Variants in PCDHGA5 observed in about 807,000 individuals in gnomAD.
PCDHGA5 encodes protocadherin gamma subfamily A, 5.
A neutral mutation model predicts 56.7 loss-of-function variants in PCDHGA5; 36 were observed. That is an observed-to-expected ratio of 0.64 (90% CI 0.49 to 0.84). The LOEUF is 0.84. Among genes scored for constraint, PCDHGA5 ranks in the 40% least tolerant of loss-of-function variants. The pLI is 0.00. For missense variants in PCDHGA5, 1,305 were observed against 1,201.5 expected, an observed-to-expected ratio of 1.09 and a Z score of -1.27; for synonymous variants, 563 against 520.2, an observed-to-expected ratio of 1.08 and a Z score of -1.12.
At chr5:141,371,063 C>T (rs774821524) in intron 1 of PCDHGA5, 2 of 1,613,962 alleles carry the variant, frequency 1.2e-6, no homozygotes, top group South Asian at 2.2e-5. Context: ...CCTCCAGAAG[C>T]TGTACCACCC....
chr5:141,444,152 ATTTTTTTTTTTTTTTTTTTTTTTTT>A (rs747671382), intron 1 of PCDHGA5, among the ~76,000 whole-genome samples: 1 of 33,882 alleles, frequency 3.0e-5, no homozygotes, highest in Non-Finnish European at 5.2e-5. Context: ...TGTGTACTGG[ATTTTTTTTTTTTTTTTTTTTTTTTT>A]TTTTTTTTTT....
chr5:141,371,704 C>A, intron 1 of PCDHGA5: 1 of 1,614,030 alleles, frequency 6.2e-7, no homozygotes, highest in Non-Finnish European at 8.5e-7. Context: ...TCCAGCAAGA[C>A]CATCACTCTG....
At chr5:141,373,571 C>T (rs1157896176) in intron 1 of PCDHGA5, among the ~76,000 whole-genome samples, 1 of 152,096 alleles carries the variant, frequency 6.6e-6, no homozygotes, top group Non-Finnish European at 1.5e-5. Context: ...ATGGGACTAG[C>T]ATAAATGGTG....
intron 1 of PCDHGA5, among the ~76,000 whole-genome samples, chr5:141,474,130 C>G (rs28684928): frequency 6.6e-6 from 1 of 152,160 alleles, no homozygotes; most frequent in Non-Finnish European, 1.5e-5. Context: ...TCTCAGAAAA[C>G]TACAGGCCTT....
chr5:141,375,920 G>A, intron 1 of PCDHGA5: 1 of 1,613,748 alleles, frequency 6.2e-7, no homozygotes, highest in Admixed American at 1.7e-5. Flanking sequence ...CAAGGCCAGC[G>A]AGCCAGGACT....
Position 141,477,100 on chromosome 5 carries a change from C to T in PCDHGA5, c.2422-17707C>T, listed in dbSNP as rs970613825. Reference sequence around the variant, plus strand: ...TTTACATCCAGGCCAAAGACAAGGGCGCCAATCCCGAAGGAGCACATTGCA... The same window carrying T: ...TTTACATCCAGGCCAAAGACAAGGGTGCCAATCCCGAAGGAGCACATTGCA... On this transcript the variant is annotated intron_variant, in intron 1 of 3. Transcript: ENST00000518069. The surrounding 1 kb of genome is among the most constrained non-coding windows in gnomAD (Gnocchi z 4.9). 1 of 1,614,098 alleles carries T rather than the reference C, an allele frequency of 6.2e-7. No homozygotes were observed. Among genetic ancestry groups the T allele is most frequent in the African/African-American group, 1.3e-5 (1 of 74,932 alleles).
intron 1 of PCDHGA5, chr5:141,370,476 G>A: frequency 6.2e-7 from 1 of 1,613,686 alleles, no homozygotes; most frequent in Non-Finnish European, 8.5e-7. Flanking sequence ...GTTAGACCAG[G>A]CTCTCTCCGA....
chr5:141,427,671 A>T (rs1441504057), intron 1 of PCDHGA5: 1 of 798,486 alleles, frequency 1.3e-6, no homozygotes, highest in East Asian at 2.6e-5. Flanking sequence ...GGCCGAAAAC[A>T]ACCTTCCCGG....
chr5:141,472,980 C>CAAAAAAAAA (rs60579131), intron 1 of PCDHGA5, among the ~76,000 whole-genome samples: 30 of 86,054 alleles, frequency 3.5e-4, no homozygotes, highest in African/African-American at 5.0e-4. Context: ...GAGTGAAACT[C>CAAAAAAAAA]AAAAAAAAAA....
In PCDHGA5 at chr5:141,366,614, G is replaced by A; in HGVS notation, c.2284G>A (p.Asp762Asn). 6.2e-6 allele frequency: 10 copies of A among 1,614,248 alleles called. No individual in the cohort carries two copies. Among genetic ancestry groups the A allele is most frequent in the Non-Finnish European group, 7.6e-6 (9 of 1,180,054 alleles). ...TYSHEVSLTA[D>N]SRKSHLIFPQ... ...TTCCCACGAGGTCTCCCTCACCGCG[G>A]ACTCGAGGAAGAGTCACCTGATCTT... is the stretch of plus-strand genomic sequence containing the variant. The change falls in exon 1 of 4, where the codon GAC (aspartate) becomes AAC (asparagine). Residue 762 changes from aspartate (D) to asparagine (N), a missense_variant. Asp to Asn is a conservative substitution (Grantham distance 23). Coordinates refer to ENST00000518069, the MANE Select transcript of PCDHGA5 (RefSeq NM_018918.3).
In PCDHGA5 at chr5:141,404,595, T is replaced by C. The variant is rs1035989165; in HGVS notation, c.2421+37844T>C. On this transcript the variant is annotated intron_variant, in intron 1 of 3. Transcript: ENST00000518069. ...CCACCACTTAGCAGCAATGTGTCAT[T>C]GAGACTGTTTGTTTTGGACCAGAAT... is the stretch of plus-strand genomic sequence containing the variant. 44 of 1,613,678 alleles carry C rather than the reference T, an allele frequency of 2.7e-5. No homozygotes were observed. Among genetic ancestry groups the C allele is most frequent in the Non-Finnish European group, 3.6e-5 (43 of 1,179,690 alleles).
intron 1 of PCDHGA5, among the ~76,000 whole-genome samples, chr5:141,453,288 ATTATTTATTTAT>A (rs577328880): frequency 6.6e-6 from 1 of 151,342 alleles, no homozygotes; most frequent in African/African-American, 2.4e-5. Context: ...TAATTTTTTA[ATTATTTATTTAT>A]TTATTTATTT....
intron 1 of PCDHGA5, among the ~76,000 whole-genome samples, chr5:141,456,083 G>A (rs2098842632): frequency 6.6e-6 from 1 of 151,960 alleles, no homozygotes; most frequent in South Asian, 2.1e-4. Context: ...ATTTTCAGTA[G>A]AGACGGGATT....
rs967535805 is a variant in PCDHGA5 at position 141,490,206 on chromosome 5, C to T, written c.2422-4601C>T. 2.4e-5 allele frequency: 38 copies of T among 1,614,050 alleles called. No homozygotes were observed. In the Admixed American group the frequency reaches 5.0e-4, roughly 21 times the overall value. ...GTTTCTATGAAATTCATGCAAGAGCCCGTGACCAGGGACAGCCTGCCATGG... is the reference window on the plus strand; with the variant it reads ...GTTTCTATGAAATTCATGCAAGAGCTCGTGACCAGGGACAGCCTGCCATGG... On this transcript the variant is annotated intron_variant, in intron 1 of 3. Coordinates refer to ENST00000518069, the MANE Select transcript of PCDHGA5 (RefSeq NM_018918.3). This position sits in a 1 kb window ranked among gnomAD's most constrained non-coding sequence, Gnocchi z 5.4.
chr5:141,388,525 C>T (rs780990884), intron 1 of PCDHGA5: 2 of 1,613,854 alleles, frequency 1.2e-6, no homozygotes, highest in Non-Finnish European at 8.5e-7. Flanking sequence ...ACTTTGACTG[C>T]CTTGGACTTT....
At chr5:141,421,474 G>T (rs1320526226) in intron 1 of PCDHGA5, 3 of 1,614,014 alleles carry the variant, frequency 1.9e-6, no homozygotes, top group African/African-American at 2.7e-5. Flanking sequence ...TCCGCGAAGC[G>T]GCAGCTTGAT....
chr5:141,429,169 T>TACACACACACACACAC (rs10667977), intron 1 of PCDHGA5: 2 of 145,394 alleles, frequency 1.4e-5, no homozygotes, highest in East Asian at 2.0e-4. Flanking sequence ...ACATTGTTTA[T>TACACACACACACACAC]ACACACACAC....
At chr5:141,461,740 G>A (rs770518286) in intron 1 of PCDHGA5, among the ~76,000 whole-genome samples, 4 of 152,072 alleles carry the variant, frequency 2.6e-5, no homozygotes, top group Non-Finnish European at 2.9e-5. Context: ...GCACAATCCC[G>A]GCTCCCAGAT....
chr5:141,473,367 T>C (rs1343477225), intron 1 of PCDHGA5, among the ~76,000 whole-genome samples: 1 of 152,178 alleles, frequency 6.6e-6, no homozygotes, highest in Non-Finnish European at 1.5e-5. Flanking sequence ...GCCACCAAAA[T>C]AGCATGGTCC....
Sources: allele counts gnomAD v4.1 joint callset (sites outside exome capture counted in the v4.1 genomes callset), GRCh38; gene constraint gnomAD v4.1.1; non-coding constraint Gnocchi (gnomAD v3.1); transcripts MANE v1.5; gene names NCBI Gene and HGNC (gene_info 2026-07-23, HGNC 2026-07-21).